Variants in OCA2 observed in about 807,000 individuals in gnomAD.
OCA2 encodes the protein P protein.
In OCA2, 77 loss-of-function variants were observed where a neutral mutation model predicts 100.2. The ratio of observed to expected loss-of-function variants is 0.77; its 90% CI spans 0.64 to 0.93. The LOEUF (loss-of-function observed/expected upper bound fraction) is 0.93. OCA2 is among the 40% of genes least tolerant of loss of function. The probability of loss-of-function intolerance (pLI) is 0.00; values close to 1 mark genes in which losing one functional copy is unlikely to be tolerated. For missense variants in OCA2, 1,062 were observed against 1,089.1 expected, an observed-to-expected ratio of 0.98 and a Z score of 0.35; for synonymous variants, 432 against 439.2, an observed-to-expected ratio of 0.98 and a Z score of 0.21.
chr15:27,979,603 C>T (rs557017013), intron 14 of OCA2, among the ~76,000 whole-genome samples: 24 of 151,968 alleles, frequency 1.6e-4, no homozygotes, highest in Middle Eastern at 3.4e-3. Flanking sequence ...TTCCTTTTAG[C>T]GGTTGCTTTA....
chr15:27,943,114 T>C (rs897012732), intron 18 of OCA2, among the ~76,000 whole-genome samples: 1 of 152,166 alleles, frequency 6.6e-6, no homozygotes. Flanking sequence ...ATCTGTAACT[T>C]TGTAAACCAA....
At chr15:27,729,626 C>T in the OCA2 span, among the ~76,000 whole-genome samples, 5 of 152,150 alleles carry the variant, frequency 3.3e-5, no homozygotes, top group Admixed American at 1.3e-4. Flanking sequence ...CTTCTCAGAA[C>T]CAGCAACTGG....
chr15:27,875,345 C>G (rs1387732130), intron 19 of OCA2, among the ~76,000 whole-genome samples: 1 of 151,416 alleles, frequency 6.6e-6, no homozygotes, highest in African/African-American at 2.5e-5. Context: ...TATTTCTGGA[C>G]TCTCTCTTCT....
chr15:27,771,875 C>T (rs929047868), intron 23 of OCA2, among the ~76,000 whole-genome samples: 2 of 152,220 alleles, frequency 1.3e-5, no homozygotes, highest in East Asian at 3.8e-4. Context: ...CTTACCAGTT[C>T]TGCCATTTTT....
chr15:27,948,162 T>C (rs1222615121), intron 18 of OCA2, among the ~76,000 whole-genome samples: 1 of 152,052 alleles, frequency 6.6e-6, no homozygotes, highest in East Asian at 1.9e-4. Context: ...AAAGAAATCA[T>C]AAGAATATAT....
rs552482060 is a variant in OCA2, at chr15:27,957,421, C to G, written c.1784+167G>C. ...GGTCCTTAAACTCGGCTGTGTACCC[C>G]CTGCAGAGCTCAGTGAGGGTTAGAT... On this transcript the variant is annotated intron_variant, in intron 16 of 23. Transcript: ENST00000354638. The surrounding 1 kb of genome is among the most constrained non-coding windows in gnomAD (Gnocchi z 4.3). Among the ~76,000 whole-genome samples, 6 of 152,246 alleles carry G rather than the reference C, an allele frequency of 3.9e-5. No individual in the cohort carries two copies. In the East Asian group the frequency reaches 1.2e-3, roughly 29 times the overall value.
chr15:27,780,883 A>G (rs1329669814), intron 23 of OCA2, among the ~76,000 whole-genome samples: 2 of 152,248 alleles, frequency 1.3e-5, no homozygotes, highest in African/African-American at 4.8e-5. Context: ...ATAAAAATCC[A>G]TGGTTCATAT....
downstream of OCA2, among the ~76,000 whole-genome samples, chr15:27,750,762 G>A (rs945132091): frequency 6.6e-6 from 1 of 152,212 alleles, no homozygotes; most frequent in Non-Finnish European, 1.5e-5. Context: ...CATAGTCAAG[G>A]TTGGCACAGT....
intron 18 of OCA2, among the ~76,000 whole-genome samples, chr15:27,930,202 T>A (rs2039197878): frequency 6.6e-6 from 1 of 152,170 alleles, no homozygotes; most frequent in South Asian, 2.1e-4. Flanking sequence ...TTTGCTGTAG[T>A]CTTAGTTTTG....
At chr15:28,072,221 A>T (rs1050994186) in intron 2 of OCA2, among the ~76,000 whole-genome samples, 4 of 151,716 alleles carry the variant, frequency 2.6e-5, no homozygotes, top group Non-Finnish European at 2.9e-5. Flanking sequence ...CAAAAAAATT[A>T]GCTGGGCTGG....
At chr15:27,867,224 C>T (rs2036361410) in intron 21 of OCA2, among the ~76,000 whole-genome samples, 1 of 152,014 alleles carries the variant, frequency 6.6e-6, no homozygotes, top group Non-Finnish European at 1.5e-5. Flanking sequence ...CACTAAAGGA[C>T]TAGGAATAAA....
intron 9 of OCA2, among the ~76,000 whole-genome samples, chr15:28,011,536 A>G (rs1412967199): frequency 6.6e-6 from 1 of 151,882 alleles, no homozygotes; most frequent in Non-Finnish European, 1.5e-5. Flanking sequence ...AACTGAAAAA[A>G]AAAAAGAAAA....
At chr15:27,851,279 T>C (rs1195806064) in intron 22 of OCA2, 103 bp downstream of exon 22, 2 of 947,024 alleles carry the variant, frequency 2.1e-6, no homozygotes, top group Non-Finnish European at 3.3e-6. Context: ...TCATCCAGAC[T>C]CTCCTTCATT....
intron 19 of OCA2, among the ~76,000 whole-genome samples, chr15:27,913,937 A>AAG (rs1216011143): frequency 6.8e-6 from 1 of 146,400 alleles, no homozygotes; most frequent in Non-Finnish European, 1.5e-5. Context: ...GCAAGAAAGA[A>AAG]AGAAAAAAAT....
intron 2 of OCA2, among the ~76,000 whole-genome samples, chr15:28,055,582 A>C (rs766205276): frequency 2.6e-5 from 4 of 152,154 alleles, no homozygotes; most frequent in Non-Finnish European, 4.4e-5. Flanking sequence ...TACATTTTCC[A>C]AGGCTTAGGA....
At chr15:27,919,087 C>T (rs1468675857) in intron 19 of OCA2, among the ~76,000 whole-genome samples, 1 of 152,110 alleles carries the variant, frequency 6.6e-6, no homozygotes, top group Non-Finnish European at 1.5e-5. Context: ...TATAGTTCTC[C>T]TCAAAGAATC....
chr15:27,835,144 A>T (rs1333001799), intron 23 of OCA2, among the ~76,000 whole-genome samples: 1 of 152,234 alleles, frequency 6.6e-6, no homozygotes, highest in Non-Finnish European at 1.5e-5. Flanking sequence ...TGTACCACTT[A>T]GGGCTCTTAC....
At chr15:27,910,774 A>G (rs7497038) in intron 19 of OCA2, among the ~76,000 whole-genome samples, 96,235 of 151,466 alleles carry the variant, frequency 0.64, 31,168 homozygotes, top group East Asian at 0.96. Context: ...TAACCAATGC[A>G]GTGAAACCCC....
chr15:27,870,275 C>T (rs1425508866), intron 21 of OCA2, among the ~76,000 whole-genome samples: 1 of 152,224 alleles, frequency 6.6e-6, no homozygotes, highest in East Asian at 1.9e-4. Flanking sequence ...GAGGGCTCTC[C>T]CCTGTCCTGT....
Sources: gnomAD v4.1 joint callset for allele counts (sites outside exome capture counted in the v4.1 genomes callset) on GRCh38, gnomAD v4.1.1 for gene constraint, Gnocchi (gnomAD v3.1) non-coding constraint, MANE v1.5 for transcripts, NCBI Gene and HGNC (gene_info 2026-07-23, HGNC 2026-07-21) for gene names.